The following TSNAXIP1 variants were observed in gnomAD, a reference collection of about 807,000 sequenced individuals.
The protein encoded by TSNAXIP1 is translin associated factor X interacting protein 1.
Under a neutral mutation model 84.8 loss-of-function variants are expected in TSNAXIP1, and 89 were observed. The ratio of observed to expected loss-of-function variants is 1.05; its 90% CI spans 0.88 to 1.25. The LOEUF (loss-of-function observed/expected upper bound fraction) is 1.25, where lower values mean the gene tolerates loss of function less well. Ranked by LOEUF, TSNAXIP1 falls within the 50% of genes most tolerant of loss-of-function variation. The pLI is 0.00. For synonymous variants in TSNAXIP1, 347 were observed against 335.2 expected (o/e 1.04, Z -0.39); for missense variants, 874 against 887.6 (o/e 0.98, Z 0.20).
In TSNAXIP1 at chr16:67,827,863, A is replaced by C. The variant is rs1168522061; in HGVS notation, c.2009A>C (p.Glu670Ala). The change falls in exon 16 of 16, where the codon GAG (glutamate) becomes GCG (alanine). Residue 670 changes from glutamate (E) to alanine (A), a missense_variant. By Grantham distance (107) the Glu-to-Ala change is moderately radical (BLOSUM62 -1). Transcript: ENST00000561639. ...ATGAGCCAGGCCTTCCAGCTCCCTG[A>C]GTCGGAAATGCCAGAGGAGGGTGAC... ...TYMSQAFQLPESEMPEEGDEK... is the reference protein window; with the variant it reads ...TYMSQAFQLPASEMPEEGDEK... 1 of 1,614,096 alleles carries C rather than the reference A, an allele frequency of 6.2e-7. No homozygotes were observed. The highest frequency in any genetic ancestry group is 2.2e-5 in the East Asian group (1 of 44,858).
intron 2 of TSNAXIP1, among the ~76,000 whole-genome samples, chr16:67,815,707 C>G (rs1402455784): frequency 6.6e-6 from 1 of 151,956 alleles, no homozygotes; most frequent in Non-Finnish European, 1.5e-5. Flanking sequence ...CTACGTTGCC[C>G]AAGCTGGTCT....
intron 2 of TSNAXIP1, among the ~76,000 whole-genome samples, chr16:67,818,652 T>C (rs1171958680): frequency 6.6e-6 from 1 of 151,484 alleles, no homozygotes; most frequent in Non-Finnish European, 1.5e-5. Context: ...GATCTCTTGA[T>C]CCCAGGACAG....
intron 2 of TSNAXIP1, among the ~76,000 whole-genome samples, chr16:67,817,848 T>A (rs984888937): frequency 2.0e-5 from 3 of 151,718 alleles, no homozygotes; most frequent in Admixed American, 6.6e-5. Context: ...ATAGTGCCAC[T>A]GCGCTCCAGC....
chr16:67,827,219 T>C (rs750463287), intron 13 of TSNAXIP1, 30 bp from the exon 14 acceptor site: 28 of 1,613,364 alleles, frequency 1.7e-5, no homozygotes, highest in Non-Finnish European at 2.3e-5. Context: ...CCTCAGCAGG[T>C]CCCTGTTGGC....
At chr16:67,817,315 ATTT>A (rs561026786) in intron 2 of TSNAXIP1, among the ~76,000 whole-genome samples, 3 of 128,864 alleles carry the variant, frequency 2.3e-5, no homozygotes, top group African/African-American at 2.8e-5. Flanking sequence ...GCGCCCGGCT[ATTT>A]TTTTTTTTTT....
At chr16:67,823,311 G>A (rs1481990581) in intron 4 of TSNAXIP1, among the ~76,000 whole-genome samples, 2 of 152,178 alleles carry the variant, frequency 1.3e-5, no homozygotes, top group African/African-American at 2.4e-5. Context: ...CTGGGAGGCC[G>A]AGGTGGGTGG....
intron 2 of TSNAXIP1, among the ~76,000 whole-genome samples, chr16:67,815,738 ATCC>A (rs1190499324): frequency 6.6e-6 from 1 of 151,816 alleles, no homozygotes; most frequent in Non-Finnish European, 1.5e-5. Context: ...GGCTCAAGCT[ATCC>A]TCCTTCCTTG....
intron 2 of TSNAXIP1, among the ~76,000 whole-genome samples, chr16:67,815,611 C>T (rs1266448820): frequency 6.6e-6 from 1 of 151,966 alleles, no homozygotes; most frequent in Non-Finnish European, 1.5e-5. Context: ...CCAATCCTCC[C>T]ACTCAGCCTC....
At chr16:67,811,434 G>GTTTTT (rs1312098377) in intron 1 of TSNAXIP1, among the ~76,000 whole-genome samples, 10 of 122,460 alleles carry the variant, frequency 8.2e-5, no homozygotes, top group African/African-American at 3.5e-4. Context: ...GAATTGATTA[G>GTTTTT]TCTTTTTTTT....
At chr16:67,824,810 TC>T in intron 6 of TSNAXIP1, 31 bp downstream of exon 6, 1 of 1,599,488 alleles carries the variant, frequency 6.3e-7, no homozygotes. Flanking sequence ...GATGACCAAG[TC>T]CCCGAATTCC....
At chr16:67,820,178 G>A (rs1250942613) in intron 2 of TSNAXIP1, among the ~76,000 whole-genome samples, 2 of 150,972 alleles carry the variant, frequency 1.3e-5, no homozygotes, top group South Asian at 4.2e-4. Flanking sequence ...GGATAGTCTC[G>A]ATCTCCTGAC....
In TSNAXIP1 at chr16:67,827,834, C is replaced by G. The variant is rs775240467; in HGVS notation, c.1980C>G (p.Thr660=). Residue 660 remains threonine (T), a synonymous_variant, in exon 16 of 16, where the codon ACC becomes ACG. Transcript: ENST00000561639. ...GCCTGGACAAGCAGACAGTGAACAC[C>G]TACATGAGCCAGGCCTTCCAGCTCC... ...DPSLDKQTVN[T]YMSQAFQLPE... The G allele has an allele frequency of 1.2e-6, 2 of 1,614,132 alleles. No homozygotes were observed. Among genetic ancestry groups the G allele is most frequent in the Non-Finnish European group, 1.7e-6 (2 of 1,180,028 alleles).
intron 2 of TSNAXIP1, among the ~76,000 whole-genome samples, chr16:67,818,433 C>T (rs1056405833): frequency 1.3e-5 from 2 of 152,064 alleles, no homozygotes; most frequent in Non-Finnish European, 2.9e-5. Context: ...GGGAGGATCT[C>T]TTGAGCCCGG....
At chr16:67,825,312 G>T (rs1275401929) in intron 7 of TSNAXIP1, 40 bp downstream of exon 7, 1 of 1,609,812 alleles carries the variant, frequency 6.2e-7, no homozygotes, top group Admixed American at 1.7e-5. Flanking sequence ...TCTTCTCTGA[G>T]ACGCTGGAAG....
chr16:67,807,592 G>A, intron 1 of TSNAXIP1: 1 of 350,476 alleles, frequency 2.9e-6, no homozygotes, highest in Non-Finnish European at 5.4e-6. Flanking sequence ...AGCCTCCCGA[G>A]TAGCTGGGAC....
intron 4 of TSNAXIP1, among the ~76,000 whole-genome samples, chr16:67,822,432 G>C (rs1469250352): frequency 6.6e-6 from 1 of 152,098 alleles, no homozygotes; most frequent in Non-Finnish European, 1.5e-5. Context: ...TACCCAGGTT[G>C]GGCCACTGGA....
At chr16:67,809,665 C>T (rs989391900) in intron 1 of TSNAXIP1, among the ~76,000 whole-genome samples, 1 of 151,710 alleles carries the variant, frequency 6.6e-6, no homozygotes, top group African/African-American at 2.4e-5. Flanking sequence ...TAATACAGGC[C>T]GGGAGCAGTG....
chr16:67,822,622 A>G (rs889308739), intron 4 of TSNAXIP1, among the ~76,000 whole-genome samples: 1 of 152,128 alleles, frequency 6.6e-6, no homozygotes, highest in African/African-American at 2.4e-5. Flanking sequence ...AGTGTATAGT[A>G]GGGAGAGAAT....
intron 12 of TSNAXIP1, 39 bp from the exon 13 acceptor site, chr16:67,826,924 C>A: frequency 1.2e-6 from 2 of 1,613,096 alleles, no homozygotes; most frequent in Non-Finnish European, 1.7e-6. Flanking sequence ...CCCCACCACT[C>A]CCAGGAACAG....
Sources: allele counts gnomAD v4.1 joint callset (sites outside exome capture counted in the v4.1 genomes callset), GRCh38; gene constraint gnomAD v4.1.1; transcripts MANE v1.5; gene names NCBI Gene and HGNC (gene_info 2026-07-23, HGNC 2026-07-21).